The following PHF14 variants were observed in gnomAD, a reference collection of about 807,000 sequenced individuals.
The protein encoded by PHF14 is PHD finger protein 14.
A neutral mutation model predicts 117.9 loss-of-function variants in PHF14; 55 were observed. The observed-to-expected ratio is 0.47, with a 90% CI of 0.38 to 0.58. The LOEUF is 0.58. Ranked by LOEUF, PHF14 falls within the 20% of genes least tolerant of loss-of-function variation. The probability of loss-of-function intolerance (pLI) is 0.00; values close to 1 mark genes in which losing one functional copy is unlikely to be tolerated. For missense variants in PHF14, 978 were observed against 1,122.2 expected (o/e 0.87, Z 1.84); for synonymous variants, 409 against 368.6 (o/e 1.11, Z -1.26).
chr7:11,066,997 G>A (rs764645955), intron 16 of PHF14, among the ~76,000 whole-genome samples: 1 of 152,164 alleles, frequency 6.6e-6, no homozygotes. Flanking sequence ...AAACTTTTGT[G>A]TGTGAAAGGA....
chr7:11,164,521 G>A (rs975072293), intron 17 of PHF14, among the ~76,000 whole-genome samples: 1 of 152,078 alleles, frequency 6.6e-6, no homozygotes, highest in Non-Finnish European at 1.5e-5. Context: ...CAGGTGCCTT[G>A]CATTTGTTTT....
intron 16 of PHF14, chr7:11,102,410 T>A: frequency 6.6e-7 from 1 of 1,519,006 alleles, no homozygotes; most frequent in Non-Finnish European, 9.0e-7. Flanking sequence ...TTTGTTAGTA[T>A]GTTTCATAAG....
chr7:11,105,709 G>A (rs1787236302), intron 16 of PHF14: 1 of 984,646 alleles, frequency 1.0e-6, no homozygotes, highest in Non-Finnish European at 1.2e-6. Flanking sequence ...CTCTATAAAA[G>A]TGGAAGCCTC....
At chr7:11,068,680 A>G (rs1785505901) in intron 16 of PHF14, among the ~76,000 whole-genome samples, 1 of 152,190 alleles carries the variant, frequency 6.6e-6, no homozygotes, top group Non-Finnish European at 1.5e-5. Flanking sequence ...AAGATGGTCA[A>G]TGCTATGTAT....
At chr7:11,167,780 G>T (rs901549156) in intron 17 of PHF14, among the ~76,000 whole-genome samples, 1 of 152,162 alleles carries the variant, frequency 6.6e-6, no homozygotes, top group Non-Finnish European at 1.5e-5. Context: ...TGTAATCCCG[G>T]CACTTTGGGA....
At chr7:11,003,386 A>C (rs1436466357) in intron 4 of PHF14, among the ~76,000 whole-genome samples, 1 of 152,208 alleles carries the variant, frequency 6.6e-6, no homozygotes, top group Admixed American at 6.5e-5. Flanking sequence ...CTTGTTCCAC[A>C]AATATAACCT....
At chr7:11,060,659 A>G (rs1396763882) in intron 14 of PHF14, among the ~76,000 whole-genome samples, 1 of 152,108 alleles carries the variant, frequency 6.6e-6, no homozygotes, top group Admixed American at 6.5e-5. Flanking sequence ...AAGTCTCAGT[A>G]TTGTTCTTTG....
chr7:11,086,099 C>T (rs114209178), intron 16 of PHF14, among the ~76,000 whole-genome samples: 1,669 of 152,160 alleles, frequency 0.011, 28 homozygotes, highest in African/African-American at 0.038. Flanking sequence ...GCTTATTCTC[C>T]TTCATCAACT....
chr7:11,047,472 A>G (rs1212973111), intron 13 of PHF14, among the ~76,000 whole-genome samples: 1 of 151,788 alleles, frequency 6.6e-6, no homozygotes, highest in Non-Finnish European at 1.5e-5. Context: ...TTGTAGTTGT[A>G]TGGTGCTAGA....
At chr7:11,012,645 T>C (rs553669834) in intron 4 of PHF14, among the ~76,000 whole-genome samples, 2 of 152,336 alleles carry the variant, frequency 1.3e-5, no homozygotes, top group South Asian at 4.1e-4. Context: ...TGCCAAGTTA[T>C]CTTGTCTGTT....
intron 17 of PHF14, among the ~76,000 whole-genome samples, chr7:11,149,105 G>T (rs1194002342): frequency 6.6e-6 from 1 of 151,864 alleles, no homozygotes; most frequent in Admixed American, 6.6e-5. Context: ...ATAGTTAAGT[G>T]CCAAAGCAGG....
chr7:11,000,755 A>G (rs180773013), intron 4 of PHF14, among the ~76,000 whole-genome samples: 40 of 152,118 alleles, frequency 2.6e-4, no homozygotes, highest in African/African-American at 9.4e-4. Flanking sequence ...TATATTTTGG[A>G]TATCAGTTCT....
chr7:11,165,477 G>T (rs1789174846), intron 17 of PHF14, among the ~76,000 whole-genome samples: 1 of 152,124 alleles, frequency 6.6e-6, no homozygotes, highest in African/African-American at 2.4e-5. Flanking sequence ...AAGATATAAA[G>T]AATAGGGAGA....
chr7:11,037,209 C>A (rs530394407), intron 10 of PHF14, 118 bp downstream of exon 10: 2 of 855,836 alleles, frequency 2.3e-6, no homozygotes, highest in Non-Finnish European at 3.5e-6. Flanking sequence ...CTCTTTGGCT[C>A]TTCCCTATAA....
chr7:11,060,536 G>T (rs1007468314), intron 14 of PHF14, among the ~76,000 whole-genome samples: 3 of 152,208 alleles, frequency 2.0e-5, no homozygotes, highest in Non-Finnish European at 2.9e-5. Context: ...TAGGATTCTT[G>T]TTAAAAGATA....
intron 5 of PHF14, among the ~76,000 whole-genome samples, chr7:11,016,809 G>C (rs1382965730): frequency 2.0e-5 from 3 of 152,070 alleles, no homozygotes; most frequent in East Asian, 3.9e-4. Flanking sequence ...TAGTCACCCT[G>C]TTGTGCTATT....
intron 4 of PHF14, chr7:11,006,663 T>C: frequency 3.2e-6 from 2 of 619,218 alleles, no homozygotes; most frequent in Admixed American, 3.7e-5. Context: ...GTAGTCAAGC[T>C]TGTTTCTCCT....
chr7:10,988,358 C>T (rs1310725032), intron 3 of PHF14, among the ~76,000 whole-genome samples: 1 of 152,114 alleles, frequency 6.6e-6, no homozygotes, highest in Non-Finnish European at 1.5e-5. Context: ...ATTAGAACTG[C>T]ATTTTGATAC....
chr7:10,990,222 A>T (rs1194647014), intron 3 of PHF14, among the ~76,000 whole-genome samples: 1 of 152,100 alleles, frequency 6.6e-6, no homozygotes, highest in Non-Finnish European at 1.5e-5. Context: ...TGTTATTTTG[A>T]ATTGATTTTT....
Sources: allele counts gnomAD v4.1 joint callset (sites outside exome capture counted in the v4.1 genomes callset), GRCh38; gene constraint gnomAD v4.1.1; transcripts MANE v1.5; gene names NCBI Gene and HGNC (gene_info 2026-07-23, HGNC 2026-07-21).